The following GRM7 variants were observed in gnomAD, a reference collection of about 807,000 sequenced individuals.
GRM7 encodes glutamate metabotropic receptor 7, also known as metabotropic glutamate receptor 7.
Under a neutral mutation model 84.5 loss-of-function variants are expected in GRM7, and 35 were observed. That is an observed-to-expected ratio of 0.41 (90% CI 0.32 to 0.55). GRM7 has a LOEUF of 0.55. Among genes scored for constraint, GRM7 ranks in the 20% least tolerant of loss-of-function variants. The probability of loss-of-function intolerance (pLI) is 0.19; values close to 1 mark genes in which losing one functional copy is unlikely to be tolerated. For missense variants in GRM7, 1,003 were observed against 1,194.6 expected (o/e 0.84, Z 2.36); for synonymous variants, 487 against 455.1 (o/e 1.07, Z -0.89).
chr3:7,278,424 A>G (rs1699146887), intron 2 of GRM7, among the ~76,000 whole-genome samples: 2 of 152,094 alleles, frequency 1.3e-5, no homozygotes, highest in Non-Finnish European at 2.9e-5. Context: ...ACTGTGCAGT[A>G]TGCCCACGTT....
chr3:7,467,744 A>G (rs1240107772), intron 7 of GRM7, among the ~76,000 whole-genome samples: 2 of 152,324 alleles, frequency 1.3e-5, no homozygotes, highest in African/African-American at 4.8e-5. Context: ...TTATCAATAA[A>G]TTAAGACAAT....
intron 1 of GRM7, among the ~76,000 whole-genome samples, chr3:6,939,435 TA>T (rs151251266): frequency 0.11 from 16,402 of 146,722 alleles, 923 homozygotes; most frequent in Middle Eastern, 0.15. Flanking sequence ...AAATCTGGAT[TA>T]AAAAAAAAAA....
chr3:7,416,065 C>A (rs182480931), intron 5 of GRM7, among the ~76,000 whole-genome samples: 1 of 152,152 alleles, frequency 6.6e-6, no homozygotes, highest in East Asian at 1.9e-4. Context: ...TGATTAAACA[C>A]GGTAAATGGC....
At chr3:7,540,056 T>C (rs950345073) in intron 7 of GRM7, among the ~76,000 whole-genome samples, 1 of 152,226 alleles carries the variant, frequency 6.6e-6, no homozygotes, top group Non-Finnish European at 1.5e-5. Flanking sequence ...TAAGATCATG[T>C]TTTTAATCAA....
intron 7 of GRM7, among the ~76,000 whole-genome samples, chr3:7,502,001 C>G (rs1277111210): frequency 3.3e-5 from 5 of 152,176 alleles, no homozygotes; most frequent in African/African-American, 9.6e-5. Flanking sequence ...TTCTTTTTCA[C>G]TTTGTAAAAA....
chr3:6,905,116 T>G (rs1696522775), intron 1 of GRM7, among the ~76,000 whole-genome samples: 1 of 152,218 alleles, frequency 6.6e-6, no homozygotes, highest in Admixed American at 6.6e-5. Context: ...CTTCCAGAAT[T>G]AATTTCAAAA....
At chr3:7,066,736 A>G (rs1697680279) in intron 1 of GRM7, among the ~76,000 whole-genome samples, 1 of 151,918 alleles carries the variant, frequency 6.6e-6, no homozygotes, top group Admixed American at 6.6e-5. Flanking sequence ...AAAACTACAG[A>G]CTGATATCCT....
chr3:7,221,997 C>T (rs777645574), intron 2 of GRM7, among the ~76,000 whole-genome samples: 17 of 151,602 alleles, frequency 1.1e-4, no homozygotes, highest in Non-Finnish European at 1.8e-4. Flanking sequence ...TTAGTAGAGA[C>T]GGGGTTTCAC....
chr3:7,359,630 T>A (rs1212713242), intron 4 of GRM7, among the ~76,000 whole-genome samples: 1 of 148,282 alleles, frequency 6.7e-6, no homozygotes, highest in East Asian at 1.9e-4. Context: ...TGAGCCACCA[T>A]GCCAGGTCAA....
At chr3:6,920,414 G>T (rs1697084157) in intron 1 of GRM7, among the ~76,000 whole-genome samples, 1 of 152,034 alleles carries the variant, frequency 6.6e-6, no homozygotes, top group Non-Finnish European at 1.5e-5. Context: ...AATTAGCTGG[G>T]CATGGTGGCA....
Position 6,877,126 on chromosome 3 carries a change from T to C in GRM7, c.519+15219T>C, listed in dbSNP as rs924366347. 4.6e-5 allele frequency among the ~76,000 whole-genome samples: 7 copies of C among 152,340 alleles called. 1 individual carries two copies. The highest frequency in any genetic ancestry group is 3.9e-4 in the East Asian group (2 of 5,180). ...ATAAATCCATTCATTCAAAATATAT[T>C]GAGTATCTACTATGTGCAAAGGCAT... On this transcript the variant is annotated intron_variant, in intron 1 of 9. Transcript: ENST00000357716.
chr3:7,172,820 A>G (rs1030269147), intron 2 of GRM7, among the ~76,000 whole-genome samples: 5 of 152,026 alleles, frequency 3.3e-5, no homozygotes, highest in African/African-American at 1.2e-4. Context: ...TGTTTAATAG[A>G]CATATATTGA....
chr3:7,440,965 A>G (rs1329813954), intron 5 of GRM7, among the ~76,000 whole-genome samples: 3 of 152,152 alleles, frequency 2.0e-5, no homozygotes, highest in Admixed American at 1.3e-4. Context: ...ATGTGTGTGC[A>G]TGTGCCTTTA....
At chr3:6,980,038 C>A (rs1318056412) in intron 1 of GRM7, among the ~76,000 whole-genome samples, 1 of 152,080 alleles carries the variant, frequency 6.6e-6, no homozygotes, top group Non-Finnish European at 1.5e-5. Flanking sequence ...TGTTTACCAT[C>A]TACCTTCTAG....
chr3:6,933,510 C>T (rs1305202524), intron 1 of GRM7, among the ~76,000 whole-genome samples: 1 of 152,106 alleles, frequency 6.6e-6, no homozygotes, highest in Non-Finnish European at 1.5e-5. Context: ...TATGCAAAGT[C>T]AACTCCTATT....
intron 2 of GRM7, among the ~76,000 whole-genome samples, chr3:7,289,400 G>T (rs558064790): frequency 7.9e-5 from 12 of 152,170 alleles, no homozygotes; most frequent in Admixed American, 4.6e-4. Flanking sequence ...TCTTGAAAGG[G>T]AATTAAAAAG....
At chr3:7,657,733 A>T (rs1029966704) in intron 8 of GRM7, among the ~76,000 whole-genome samples, 1 of 152,152 alleles carries the variant, frequency 6.6e-6, no homozygotes, top group African/African-American at 2.4e-5. Context: ...GGGAGCAGAA[A>T]CAGATACATC....
At chr3:7,449,727 T>C (rs1697688414) in intron 5 of GRM7, among the ~76,000 whole-genome samples, 2 of 152,144 alleles carry the variant, frequency 1.3e-5, no homozygotes, top group Admixed American at 1.3e-4. Context: ...GAAGGTAAAC[T>C]GTCATGTATT....
intron 1 of GRM7, among the ~76,000 whole-genome samples, chr3:6,943,210 T>G (rs1005209207): frequency 1.3e-5 from 2 of 151,930 alleles, no homozygotes; most frequent in African/African-American, 4.8e-5. Flanking sequence ...TTTTCAGTTG[T>G]GATAAAGTCT....
Sources: allele counts gnomAD v4.1 joint callset (sites outside exome capture counted in the v4.1 genomes callset), GRCh38; gene constraint gnomAD v4.1.1; transcripts MANE v1.5; gene names NCBI Gene and HGNC (gene_info 2026-07-23, HGNC 2026-07-21).